Variants in STOX1 observed in about 807,000 individuals in gnomAD.
STOX1 encodes storkhead box 1.
Under a neutral mutation model 74.8 loss-of-function variants are expected in STOX1, and 57 were observed. The observed-to-expected ratio is 0.76, with a 90% CI of 0.62 to 0.95. The LOEUF is 0.95. Ranked by LOEUF, STOX1 falls within the 40% of genes least tolerant of loss-of-function variation. The probability of loss-of-function intolerance (pLI) is 0.00; values close to 1 mark genes in which losing one functional copy is unlikely to be tolerated. For missense variants in STOX1, 1,010 were observed against 1,117.0 expected, an observed-to-expected ratio of 0.90 and a Z score of 1.37; for synonymous variants, 375 against 401.3, an observed-to-expected ratio of 0.93 and a Z score of 0.78.
rs1390833579 is a variant in STOX1 at position 68,827,695 on chromosome 10, G to A, written c.72G>A (p.Ala24=). ...TGTGCCGGCTGGAGGCGCAGAAGGC[G>A]GCGGGGGCCGCGGAGGAGCCTGGTG... The part of the protein sequence containing the change: ...LVLCRLEAQK[A]AGAAEEPGGR... The change falls in exon 1 of 4, where the codon GCG becomes GCA. Residue 24 remains alanine (A), a synonymous_variant. Coordinates refer to ENST00000298596, the MANE Select transcript of STOX1 (RefSeq NM_152709.5). 1.5e-5 allele frequency: 14 copies of A among 954,410 alleles called. No homozygotes were observed. The highest frequency in any genetic ancestry group is 4.4e-4 in the Middle Eastern group (1 of 2,274). The allele number at this position is 954,410 out of a possible 1,614,324, so 59.1% of individuals were successfully genotyped here.
At chr10:68,892,475 A>G (rs1841120379) in intron 3 of STOX1, 114 bp from the exon 4 acceptor site, 1 of 964,686 alleles carries the variant, frequency 1.0e-6, no homozygotes, top group African/African-American at 1.6e-5. Flanking sequence ...TGATAAGTGT[A>G]CCTTTGTATT....
chr10:68,836,480 T>C (rs972745788), intron 1 of STOX1, among the ~76,000 whole-genome samples: 1 of 152,242 alleles, frequency 6.6e-6, no homozygotes, highest in Admixed American at 6.5e-5. Context: ...CATATACTTA[T>C]GTTCAAGACC....
chr10:68,885,518 CAAT>C lies in STOX1; in HGVS notation c.1723_1725del (p.Asn575del). Reference sequence around the variant, plus strand: ...TAAATGACCCTACTGTCAAACCCATCAATGATGACTTCAGAGGTCACCTCTTCA... The same window carrying C: ...TAAATGACCCTACTGTCAAACCCATCGATGACTTCAGAGGTCACCTCTTCA... On this transcript the variant is annotated inframe_deletion, in exon 3 of 4. Transcript: ENST00000298596. The C allele has an allele frequency of 1.2e-6, 2 of 1,614,200 alleles. No homozygotes were observed. Among genetic ancestry groups the C allele is most frequent in the South Asian group, 1.1e-5 (1 of 91,080 alleles).
Position 68,892,909 on chromosome 10 carries a change from T to C in STOX1, c.*173T>C, listed in dbSNP as rs1035150407. ...ACTGGCTTTTTTTCCTCTTTTGGTG[T>C]CTTAAGGCTTTTTGAAGCTTATTTT... On this transcript the variant is annotated 3_prime_UTR_variant, in exon 4 of 4. Coordinates refer to ENST00000298596, the MANE Select transcript of STOX1 (RefSeq NM_152709.5). 1.3e-5 allele frequency: 9 copies of C among 680,786 alleles called. No individual in the cohort carries two copies. Among genetic ancestry groups the C allele is most frequent in the South Asian group, 1.0e-4 (5 of 47,870 alleles). The allele number at this position is 680,786 out of a possible 1,614,324, so 42.2% of individuals were successfully genotyped here.
chr10:68,889,374 G>C (rs1345764274), intron 3 of STOX1, among the ~76,000 whole-genome samples: 1 of 152,228 alleles, frequency 6.6e-6, no homozygotes, highest in Non-Finnish European at 1.5e-5. Context: ...TGTTGCCCAG[G>C]CTGGCCTTGA....
intron 1 of STOX1, among the ~76,000 whole-genome samples, chr10:68,870,101 T>G (rs1840501962): frequency 6.6e-6 from 1 of 152,244 alleles, no homozygotes; most frequent in Non-Finnish European, 1.5e-5. Context: ...CTTTAATTTT[T>G]TATTCAAACA....
At chr10:68,872,896 T>C (rs1840569227) in intron 1 of STOX1, among the ~76,000 whole-genome samples, 1 of 138,172 alleles carries the variant, frequency 7.2e-6, no homozygotes, top group African/African-American at 2.8e-5. Flanking sequence ...ATAAGATTAA[T>C]GTAAAATAAG....
At chr10:68,880,358 T>C (rs1840788072) in intron 1 of STOX1, among the ~76,000 whole-genome samples, 1 of 152,048 alleles carries the variant, frequency 6.6e-6, no homozygotes, top group Non-Finnish European at 1.5e-5. Context: ...AAAATTTTTA[T>C]CTTTGTAGAG....
intron 1 of STOX1, among the ~76,000 whole-genome samples, chr10:68,845,474 C>T (rs1285567189): frequency 7.3e-5 from 11 of 151,386 alleles, no homozygotes; most frequent in Admixed American, 6.6e-4. Context: ...CAGGGTTTCA[C>T]CATGTTAGCC....
chr10:68,877,075 C>T (rs1003710823), intron 1 of STOX1, among the ~76,000 whole-genome samples: 4 of 152,160 alleles, frequency 2.6e-5, no homozygotes, highest in African/African-American at 9.7e-5. Context: ...TGTATCTTAG[C>T]AACGACTGTG....
chr10:68,890,248 C>T (rs923316543), intron 3 of STOX1, among the ~76,000 whole-genome samples: 2 of 151,940 alleles, frequency 1.3e-5, no homozygotes, highest in Admixed American at 6.6e-5. Flanking sequence ...TCACTATAGC[C>T]TTGGCCTCCT....
chr10:68,856,156 A>G (rs1054113843), intron 1 of STOX1, among the ~76,000 whole-genome samples: 1 of 151,954 alleles, frequency 6.6e-6, no homozygotes, highest in Non-Finnish European at 1.5e-5. Flanking sequence ...TCCTTAGTTC[A>G]GCTAAAGACG....
At chr10:68,843,045 T>G (rs1839735788) in intron 1 of STOX1, among the ~76,000 whole-genome samples, 1 of 152,196 alleles carries the variant, frequency 6.6e-6, no homozygotes, top group South Asian at 2.1e-4. Flanking sequence ...TATTTTTATA[T>G]TTTAATTTTT....
At chr10:68,865,347 G>C (rs1359564612) in intron 1 of STOX1, among the ~76,000 whole-genome samples, 1 of 152,182 alleles carries the variant, frequency 6.6e-6, no homozygotes, top group Non-Finnish European at 1.5e-5. Context: ...TTAAATCTGT[G>C]ACTATTAAAG....
At chr10:68,840,127 T>C (rs1589216651) in intron 1 of STOX1, among the ~76,000 whole-genome samples, 1 of 152,046 alleles carries the variant, frequency 6.6e-6, no homozygotes, top group African/African-American at 2.4e-5. Flanking sequence ...GAAAACAATC[T>C]CCACATGCAA....
intron 1 of STOX1, among the ~76,000 whole-genome samples, chr10:68,878,255 A>G (rs1172868152): frequency 2.6e-5 from 4 of 152,186 alleles, no homozygotes; most frequent in African/African-American, 9.7e-5. Flanking sequence ...TTAATTTCAC[A>G]TTTTGTCTGG....
chr10:68,848,636 G>C (rs995278750), intron 1 of STOX1, among the ~76,000 whole-genome samples: 3 of 152,168 alleles, frequency 2.0e-5, no homozygotes, highest in Admixed American at 1.3e-4. Flanking sequence ...CCAGCACACA[G>C]TGAGCTATCA....
intron 1 of STOX1, among the ~76,000 whole-genome samples, chr10:68,865,899 A>G (rs1277941756): frequency 6.6e-6 from 1 of 152,128 alleles, no homozygotes; most frequent in East Asian, 1.9e-4. Context: ...TGTTCTATCC[A>G]TATTGGCTTG....
At chr10:68,890,800 G>A (rs977221318) in intron 3 of STOX1, among the ~76,000 whole-genome samples, 1 of 151,612 alleles carries the variant, frequency 6.6e-6, no homozygotes, top group Non-Finnish European at 1.5e-5. Context: ...ACAGGCACAC[G>A]CCACCACGCC....
Sources: gnomAD v4.1 joint callset for allele counts (sites outside exome capture counted in the v4.1 genomes callset) on GRCh38, gnomAD v4.1.1 for gene constraint, MANE v1.5 for transcripts, NCBI Gene and HGNC (gene_info 2026-07-23, HGNC 2026-07-21) for gene names.